Variants in WDFY1 observed in about 807,000 individuals in gnomAD.
WDFY1 encodes WD repeat and FYVE domain-containing protein 1.
Under a neutral mutation model 56.4 loss-of-function variants are expected in WDFY1, and 32 were observed. The observed-to-expected ratio is 0.57, with a 90% CI of 0.43 to 0.76. The LOEUF (loss-of-function observed/expected upper bound fraction) is 0.76. WDFY1 is among the 30% of genes least tolerant of loss of function. The pLI is 0.00. For missense variants in WDFY1, 480 were observed against 545.7 expected (o/e 0.88, Z 1.20); for synonymous variants, 192 against 197.3 (o/e 0.97, Z 0.23).
At chr2:223,886,684 T>G (rs1693179327) in intron 8 of WDFY1, among the ~76,000 whole-genome samples, 1 of 126,898 alleles carries the variant, frequency 7.9e-6, no homozygotes, top group African/African-American at 3.0e-5. Context: ...GAGCAGAGAT[T>G]GCACCACGGC....
chr2:223,885,121 T>C (rs1440952600), intron 8 of WDFY1, among the ~76,000 whole-genome samples: 1 of 152,076 alleles, frequency 6.6e-6, no homozygotes, highest in Non-Finnish European at 1.5e-5. Flanking sequence ...CCCGGCCAGT[T>C]AGCATTTCTT....
chr2:223,904,100 G>C (rs1026021541), intron 4 of WDFY1, among the ~76,000 whole-genome samples: 16 of 152,146 alleles, frequency 1.1e-4, no homozygotes, highest in African/African-American at 3.6e-4. Flanking sequence ...ATTCAAAGTT[G>C]CTTCTGGTGT....
intron 8 of WDFY1, among the ~76,000 whole-genome samples, chr2:223,886,039 T>C (rs1455313320): frequency 1.3e-5 from 2 of 152,314 alleles, no homozygotes; most frequent in Non-Finnish European, 1.5e-5. Flanking sequence ...TCAAAATTAA[T>C]TTGTTAAAAA....
intron 4 of WDFY1, among the ~76,000 whole-genome samples, chr2:223,902,551 C>T (rs1028108138): frequency 9.9e-5 from 15 of 151,916 alleles, no homozygotes; most frequent in Admixed American, 8.5e-4. Context: ...GGTAAGACAG[C>T]GAGACCCTGT....
intron 10 of WDFY1, among the ~76,000 whole-genome samples, chr2:223,880,536 G>A (rs1410204712): frequency 6.6e-6 from 1 of 151,554 alleles, no homozygotes; most frequent in Non-Finnish European, 1.5e-5. Flanking sequence ...GAACCTGGGA[G>A]GTGGGGGCTG....
intron 2 of WDFY1, among the ~76,000 whole-genome samples, chr2:223,913,638 G>C (rs540168905): frequency 6.6e-6 from 1 of 152,040 alleles, no homozygotes; most frequent in East Asian, 1.9e-4. Flanking sequence ...GCTTTGATGC[G>C]TTCAGAGATT....
At chr2:223,914,684 T>C (rs1693760093) in intron 2 of WDFY1, among the ~76,000 whole-genome samples, 2 of 152,186 alleles carry the variant, frequency 1.3e-5, no homozygotes, top group African/African-American at 4.8e-5. Flanking sequence ...GGAATTCCAA[T>C]GACAAGCAAT....
At chr2:223,930,461 C>A (rs1223433166) in intron 1 of WDFY1, among the ~76,000 whole-genome samples, 2 of 152,226 alleles carry the variant, frequency 1.3e-5, no homozygotes, top group Non-Finnish European at 2.9e-5. Flanking sequence ...TCCTGAGTAG[C>A]TGGGATTACA....
chr2:223,921,391 G>T (rs1459031461), intron 1 of WDFY1, among the ~76,000 whole-genome samples: 1 of 152,020 alleles, frequency 6.6e-6, no homozygotes, highest in Admixed American at 6.6e-5. Flanking sequence ...GCACCATTCA[G>T]CAAAGTCAAG....
intron 8 of WDFY1, among the ~76,000 whole-genome samples, chr2:223,890,980 CA>C (rs1337834672): frequency 6.6e-6 from 1 of 152,126 alleles, no homozygotes; most frequent in Non-Finnish European, 1.5e-5. Flanking sequence ...GTAAATGCTC[CA>C]GTTAGTATTG....
At chr2:223,895,765 A>G in intron 6 of WDFY1, 135 bp from the exon 7 acceptor site, 1 of 1,248,378 alleles carries the variant, frequency 8.0e-7, no homozygotes. Flanking sequence ...AGGTATCTTC[A>G]TGGTGTACAA....
chr2:223,883,622 G>A (rs1013231308), intron 9 of WDFY1, among the ~76,000 whole-genome samples: 1 of 152,096 alleles, frequency 6.6e-6, no homozygotes, highest in Non-Finnish European at 1.5e-5. Context: ...GTATCTCTGA[G>A]TAAAATTTTT....
intron 2 of WDFY1, among the ~76,000 whole-genome samples, chr2:223,917,251 G>A (rs139804413): frequency 2.5e-4 from 38 of 152,310 alleles, no homozygotes; most frequent in Non-Finnish European, 4.9e-4. Context: ...TCCAGAGGTT[G>A]GTGAAAAGGT....
intron 3 of WDFY1, among the ~76,000 whole-genome samples, chr2:223,907,853 A>ATT (rs933565405): frequency 3.4e-5 from 3 of 87,500 alleles, no homozygotes; most frequent in African/African-American, 8.2e-5. Context: ...TGCTGCTGCT[A>ATT]TTTTTTTTTT....
intron 1 of WDFY1, among the ~76,000 whole-genome samples, chr2:223,925,598 C>T (rs987261582): frequency 6.6e-6 from 1 of 152,156 alleles, no homozygotes; most frequent in Non-Finnish European, 1.5e-5. Context: ...TTTGTTGCAT[C>T]GATTGACTCT....
At chr2:223,939,677 A>G (rs1689265066) in intron 1 of WDFY1, among the ~76,000 whole-genome samples, 1 of 152,198 alleles carries the variant, frequency 6.6e-6, no homozygotes, top group South Asian at 2.1e-4. Context: ...ACTCACTGCC[A>G]CGAGAACAGT....
chr2:223,926,792 T>C (rs561968595), intron 1 of WDFY1, among the ~76,000 whole-genome samples: 1 of 152,260 alleles, frequency 6.6e-6, no homozygotes, highest in South Asian at 2.1e-4. Flanking sequence ...TTCAGCCTCC[T>C]GAGCAGCTGG....
intron 1 of WDFY1, among the ~76,000 whole-genome samples, chr2:223,921,367 TG>T (rs1693882200): frequency 6.6e-6 from 1 of 152,044 alleles, no homozygotes; most frequent in African/African-American, 2.4e-5. Flanking sequence ...ACAGAGGACA[TG>T]GGAACATACT....
Position 223,895,491 on chromosome 2 carries a change from A to T in WDFY1, c.725+13T>A. ...CTCGGATTCTTTCCCCACCCCCACA[A>T]GTGGTCACGCACTGATGGCCCTGAA... On this transcript the variant is annotated intron_variant, in intron 7 of 11. Transcript: ENST00000233055. The T allele has an allele frequency of 1.2e-6, 2 of 1,613,830 alleles. No individual in the cohort carries two copies. The highest frequency in any genetic ancestry group is 8.5e-7 in the Non-Finnish European group (1 of 1,179,812).
Sources: allele counts gnomAD v4.1 joint callset (sites outside exome capture counted in the v4.1 genomes callset), GRCh38; gene constraint gnomAD v4.1.1; transcripts MANE v1.5; gene names NCBI Gene and HGNC (gene_info 2026-07-23, HGNC 2026-07-21).